The following BCAP31 variants were observed in gnomAD, a reference collection of about 807,000 sequenced individuals.
The protein encoded by BCAP31 is B cell receptor associated protein 31.
For synonymous variants in BCAP31, 75 were observed against 80.9 expected, an observed-to-expected ratio of 0.93 and a Z score of 0.39; for missense variants, 124 against 193.0, an observed-to-expected ratio of 0.64 and a Z score of 2.12.
chrX:153,705,985 C>T (rs1351213610), intron 4 of BCAP31, among the ~76,000 whole-genome samples: 1 of 112,205 alleles, frequency 8.9e-6, no homozygotes, highest in Non-Finnish European at 1.9e-5. Flanking sequence ...GTCCCAGGCC[C>T]TTCCCGGCTA....
At chrX:153,703,203 T>C (rs2091530932) in intron 5 of BCAP31, 145 bp from the exon 6 acceptor site, 1 of 897,722 alleles carries the variant, frequency 1.1e-6, no homozygotes, top group African/African-American at 2.0e-5. Context: ...GAGCCACCAC[T>C]TGCTCCCAGC....
chrX:153,705,276 C>G, intron 4 of BCAP31: 1 of 113,263 alleles, frequency 8.8e-6, no homozygotes, highest in Non-Finnish European at 1.9e-5. Context: ...AGGTGAGCTA[C>G]CTCCCTGGCC....
At chrX:153,701,607 A>G (rs2091518583) in intron 7 of BCAP31, among the ~76,000 whole-genome samples, 1 of 112,470 alleles carries the variant, frequency 8.9e-6, no homozygotes, top group Non-Finnish European at 1.9e-5. Flanking sequence ...TGCCTTTTTG[A>G]CACCTTGTGC....
At chrX:153,714,833 A>G (rs1557049785) in intron 4 of BCAP31, among the ~76,000 whole-genome samples, 4 of 110,910 alleles carry the variant, frequency 3.6e-5, no homozygotes, top group African/African-American at 1.3e-4. Flanking sequence ...CCTCAAAGCA[A>G]GCGCCTTTCC....
At chrX:153,722,571 C>A (rs1295919991) in intron 2 of BCAP31, among the ~76,000 whole-genome samples, 1 of 112,121 alleles carries the variant, frequency 8.9e-6, no homozygotes, top group Non-Finnish European at 1.9e-5. Flanking sequence ...TTTAAAAATA[C>A]CTGTGGAGAT....
intron 3 of BCAP31, among the ~76,000 whole-genome samples, chrX:153,718,275 G>A (rs905662425): frequency 1.0e-4 from 10 of 97,023 alleles, no homozygotes; most frequent in Non-Finnish European, 1.4e-4. Context: ...CCAAGATGGC[G>A]CCACTGCACT....
chrX:153,724,200 C>G (rs1179726935), intron 1 of BCAP31, 134 bp downstream of exon 1: 1 of 228,305 alleles, frequency 4.4e-6, no homozygotes, highest in Admixed American at 6.0e-5. Flanking sequence ...CTGCCTCTCA[C>G]ACGCAGGTAG....
chrX:153,706,938 C>T (rs1167739434), intron 4 of BCAP31, among the ~76,000 whole-genome samples: 8 of 112,200 alleles, frequency 7.1e-5, no homozygotes, highest in African/African-American at 2.6e-4. Flanking sequence ...CAAATCCGAC[C>T]ATGTCAGCCC....
chrX:153,714,926 A>G (rs1329766954), intron 4 of BCAP31, among the ~76,000 whole-genome samples: 4 of 111,634 alleles, frequency 3.6e-5, no homozygotes, highest in African/African-American at 1.3e-4. Context: ...AGCAGGAGGC[A>G]GCAAACAGGG....
intron 3 of BCAP31, among the ~76,000 whole-genome samples, chrX:153,718,317 CA>C (rs60097594): frequency 0.08 from 2,448 of 30,429 alleles, 58 homozygotes; most frequent in African/African-American, 0.2. Flanking sequence ...GATTCCATCT[CA>C]AAAAAAAAAA....
At chrX:153,715,949 G>A (rs893275728) in intron 3 of BCAP31, among the ~76,000 whole-genome samples, 4 of 108,456 alleles carry the variant, frequency 3.7e-5, no homozygotes, top group African/African-American at 1.3e-4. Flanking sequence ...CCTGAGGTCA[G>A]GAGTTCGAGA....
At chrX:153,723,326 G>A (rs782422303) in intron 1 of BCAP31, 38 bp from the exon 2 acceptor site, 2 of 1,162,280 alleles carry the variant, frequency 1.7e-6, no homozygotes, top group Non-Finnish European at 2.3e-6. Flanking sequence ...TGTAAGCGCT[G>A]GGCAGCCAAG....
intron 5 of BCAP31, among the ~76,000 whole-genome samples, chrX:153,703,306 GCCCTGGCCCCTGGCCCCTGGC>G (rs781868961): frequency 8.8e-6 from 1 of 113,236 alleles, no homozygotes; most frequent in Non-Finnish European, 1.9e-5. Flanking sequence ...CGCCTTGCCT[GCCCTGGCCCCTGGCCCCTGGC>G]CCCTGGCCCT....
rs1557050720 is a variant in BCAP31 at position 153,720,087 on chromosome X, T to C, written c.193+785A>G. ...GTTCTCCTCCTACTACTACAGGGAA[T>C]GGCAGGACTTCACTGTGTGCTTGGT... On this transcript the variant is annotated intron_variant, in intron 3 of 7. Transcript: ENST00000345046. Among the ~76,000 whole-genome samples the C allele has an allele frequency of 3.6e-5, 4 of 111,862 alleles. No homozygotes were observed. In the Admixed American group the frequency reaches 3.8e-4, roughly 11 times the overall value.
rs1327039325 is a variant in BCAP31, at chrX:153,713,415, T to C, written c.341+2127A>G. 6.2e-5 allele frequency among the ~76,000 whole-genome samples: 7 copies of C among 112,194 alleles called. No homozygotes were observed. In the Admixed American group the frequency reaches 6.6e-4, roughly 11 times the overall value. ...CATCTACACTCCATCTATAGAAGGCTGACAGAACTTCTCCAGGAATTCACA... is the reference window on the plus strand; with the variant it reads ...CATCTACACTCCATCTATAGAAGGCCGACAGAACTTCTCCAGGAATTCACA... On this transcript the variant is annotated intron_variant, in intron 4 of 7. Transcript: ENST00000345046.
chrX:153,707,425 C>T (rs1730479627), intron 4 of BCAP31, among the ~76,000 whole-genome samples: 1 of 110,495 alleles, frequency 9.1e-6, no homozygotes, highest in Admixed American at 9.6e-5. Context: ...TGACTGGATC[C>T]CACTCCCAGG....
At chrX:153,712,402 CA>C (rs1212923080) in intron 4 of BCAP31, among the ~76,000 whole-genome samples, 1 of 21,611 alleles carries the variant, frequency 4.6e-5, no homozygotes, top group East Asian at 2.6e-3. Flanking sequence ...GACCTTGTCT[CA>C]AAAAAAATAA....
Position 153,717,733 on chromosome X carries a change from C to A in BCAP31, c.194-2044G>T, listed in dbSNP as rs782810945. ...ACTGGCCTCATGGGGTTCTTAATTT[C>A]CGGTTTTAGGCTGCTTAGTTTTTAT... On this transcript the variant is annotated intron_variant, in intron 3 of 7. Coordinates refer to ENST00000345046, the MANE Select transcript of BCAP31 (RefSeq NM_001256447.2). Among the ~76,000 whole-genome samples the A allele has an allele frequency of 3.6e-5, 4 of 112,346 alleles. No homozygotes were observed. The East Asian group carries it at 1.1e-3, about 31-fold the overall frequency.
At chrX:153,709,888 C>G (rs2091578271) in intron 4 of BCAP31, among the ~76,000 whole-genome samples, 1 of 112,735 alleles carries the variant, frequency 8.9e-6, no homozygotes, top group Non-Finnish European at 1.9e-5. Context: ...GATGGGCAAC[C>G]CTGCCAAGTG....
Sources: allele counts gnomAD v4.1 joint callset (sites outside exome capture counted in the v4.1 genomes callset), GRCh38; gene constraint gnomAD v4.1.1; transcripts MANE v1.5; gene names NCBI Gene and HGNC (gene_info 2026-07-23, HGNC 2026-07-21).